Variants in NEBL observed in about 807,000 individuals in gnomAD.
The protein encoded by NEBL is LIM and SH3 protein 2.
A neutral mutation model predicts 140.2 loss-of-function variants in NEBL; 122 were observed. The observed-to-expected ratio is 0.87, with a 90% CI of 0.75 to 1.01. The LOEUF (loss-of-function observed/expected upper bound fraction) is 1.01. Ranked by LOEUF, NEBL falls within the 50% of genes least tolerant of loss-of-function variation. NEBL has a pLI of 0.00. For missense variants in NEBL, 1,365 were observed against 1,231.3 expected, an observed-to-expected ratio of 1.11 and a Z score of -1.62; for synonymous variants, 436 against 398.9, an observed-to-expected ratio of 1.09 and a Z score of -1.11.
chr10:20,939,560 A>G (rs556379741), intron 4 of NEBL, among the ~76,000 whole-genome samples: 1 of 152,362 alleles, frequency 6.6e-6, no homozygotes, highest in East Asian at 1.9e-4. Context: ...CATCATAATG[A>G]CAGGATCAAA....
chr10:20,814,639 C>CACACACACACA (rs905894451), intron 22 of NEBL, among the ~76,000 whole-genome samples: 9 of 151,716 alleles, frequency 5.9e-5, no homozygotes, highest in African/African-American at 2.2e-4. Context: ...CACACACACA[C>CACACACACACA]AACTGGTTAT....
chr10:20,792,803 C>CA (rs879926102), intron 26 of NEBL, among the ~76,000 whole-genome samples: 1,674 of 104,638 alleles, frequency 0.016, 18 homozygotes, highest in East Asian at 0.09. Context: ...AATTCTGTCT[C>CA]AAAAAAAAAA....
At chr10:21,136,868 T>C (rs568940062) in intron 2 of NEBL, among the ~76,000 whole-genome samples, 1 of 152,344 alleles carries the variant, frequency 6.6e-6, no homozygotes, top group South Asian at 2.1e-4. Flanking sequence ...TACTCGTCTC[T>C]GGATGGAGGA....
chr10:21,201,186 G>C (rs982088634), intron 3 of NEBL, among the ~76,000 whole-genome samples: 1 of 152,170 alleles, frequency 6.6e-6, no homozygotes, highest in Admixed American at 6.5e-5. Context: ...AGACAGAAAT[G>C]GTTATTACTT....
At chr10:20,901,642 T>G (rs529565998), upstream of NEBL, among the ~76,000 whole-genome samples, 1 of 152,242 alleles carries the variant, frequency 6.6e-6, no homozygotes, top group African/African-American at 2.4e-5. Context: ...TCAACATTTC[T>G]TATTATAAAA....
chr10:20,900,608 G>C (rs564980666), upstream of NEBL, among the ~76,000 whole-genome samples: 18 of 149,938 alleles, frequency 1.2e-4, no homozygotes, highest in Non-Finnish European at 2.5e-4. Context: ...TGGATTGCTT[G>C]AGCTCAGGAG....
At chr10:21,083,082 T>C (rs1836460758) in intron 2 of NEBL, among the ~76,000 whole-genome samples, 1 of 152,162 alleles carries the variant, frequency 6.6e-6, no homozygotes. Flanking sequence ...CTTTCTTTGG[T>C]GACTGTTTCA....
intron 2 of NEBL, among the ~76,000 whole-genome samples, chr10:21,072,619 G>T (rs1415940835): frequency 6.6e-6 from 1 of 152,206 alleles, no homozygotes; most frequent in African/African-American, 2.4e-5. Flanking sequence ...ATGCCCAGGG[G>T]GATCCAGGCC....
At position 21,146,054 on chromosome 10, in the gene NEBL, G is replaced by A. The variant is rs551950076; in HGVS notation, c.164+26329C>T. ...AGGCAAAGAGGAGCATTTGTTAAGC[G>A]CCCGCTATGAGCCAGGCACCATGAA... On this transcript the variant is annotated intron_variant, in intron 2 of 6. Transcript: ENST00000417816. Among the ~76,000 whole-genome samples the A allele has an allele frequency of 2.6e-5, 4 of 152,184 alleles. No homozygotes were observed. In the East Asian group the frequency reaches 5.8e-4, roughly 22 times the overall value.
At chr10:20,819,365 T>C (rs1839048305) in intron 20 of NEBL, 59 bp downstream of exon 20, 3 of 1,611,822 alleles carry the variant, frequency 1.9e-6, no homozygotes, top group Admixed American at 1.7e-5. Flanking sequence ...AAAGGGCATA[T>C]TTTTAAATAA....
In NEBL at chr10:21,076,209, G is replaced by A. The variant is rs111732038; in HGVS notation, c.165-56008C>T. Among the ~76,000 whole-genome samples, 872 of 152,162 alleles carry A rather than the reference G, an allele frequency of 5.7e-3. 4 individuals are homozygous for A. Among genetic ancestry groups the A allele is most frequent in the African/African-American group, 0.02 (845 of 41,504 alleles). On this transcript the variant is annotated intron_variant, in intron 2 of 6. Coordinates refer to the NEBL transcript ENST00000417816. ...TGTAATCCCAGCACTTTAGGAGGCCGAGGAGGGTGGATCACCTGAGATTAG... is the reference window on the plus strand; with the variant it reads ...TGTAATCCCAGCACTTTAGGAGGCCAAGGAGGGTGGATCACCTGAGATTAG...
intron 3 of NEBL, among the ~76,000 whole-genome samples, chr10:20,968,889 T>C (rs1470015958): frequency 6.6e-6 from 1 of 152,234 alleles, no homozygotes. Context: ...CTGCAAAATT[T>C]AGTGCTCAAT....
At chr10:20,973,897 C>T (rs1836684362) in intron 3 of NEBL, among the ~76,000 whole-genome samples, 1 of 152,200 alleles carries the variant, frequency 6.6e-6, no homozygotes, top group Non-Finnish European at 1.5e-5. Flanking sequence ...CAAAAAGAGT[C>T]CTGGTCTGAT....
chr10:21,270,568 A>T (rs1018004213), intron 1 of NEBL, among the ~76,000 whole-genome samples: 55 of 152,022 alleles, frequency 3.6e-4, no homozygotes, highest in Non-Finnish European at 7.6e-4. Flanking sequence ...GGGTTTCACC[A>T]TGTTGGCCAG....
In NEBL at chr10:20,923,926, A is replaced by G. The variant is rs1267770509; in HGVS notation, c.357+37746T>C. On this transcript the variant is annotated intron_variant, in intron 4 of 6. Coordinates refer to the NEBL transcript ENST00000417816. Reference sequence around the variant, plus strand: ...AACCCAGCCCACATTCCCAGCCTACATTTCCTATCTAGCCCTTTTCTAATT... The same window carrying G: ...AACCCAGCCCACATTCCCAGCCTACGTTTCCTATCTAGCCCTTTTCTAATT... Among the ~76,000 whole-genome samples, 4 of 152,100 alleles carry G rather than the reference A, an allele frequency of 2.6e-5. No homozygotes were observed. The South Asian group carries it at 8.3e-4, about 32-fold the overall frequency.
At chr10:21,054,544 C>T (rs1221085896) in intron 2 of NEBL, among the ~76,000 whole-genome samples, 2 of 152,096 alleles carry the variant, frequency 1.3e-5, no homozygotes, top group African/African-American at 2.4e-5. Context: ...CAAGCTTTTT[C>T]TGTTTTCTTT....
intron 12 of NEBL, among the ~76,000 whole-genome samples, chr10:20,842,134 A>C (rs1365831183): frequency 6.6e-6 from 1 of 152,034 alleles, no homozygotes; most frequent in African/African-American, 2.4e-5. Context: ...GGTTCATTTC[A>C]TGTTACTTTC....
At chr10:21,177,196 G>A (rs4634986), upstream of NEBL, among the ~76,000 whole-genome samples, 26,532 of 152,174 alleles carry the variant, frequency 0.17, 2,529 homozygotes, top group East Asian at 0.35. Flanking sequence ...CTTCAAATGC[G>A]CTTGCATAGT....
intron 4 of NEBL, among the ~76,000 whole-genome samples, chr10:20,922,963 T>G (rs1465504267): frequency 6.6e-6 from 1 of 152,248 alleles, no homozygotes; most frequent in African/African-American, 2.4e-5. Flanking sequence ...GAAGCACTTT[T>G]CCTTCCAGTA....
Sources: gnomAD v4.1 joint callset for allele counts (sites outside exome capture counted in the v4.1 genomes callset) on GRCh38, gnomAD v4.1.1 for gene constraint, MANE v1.5 for transcripts, NCBI Gene and HGNC (gene_info 2026-07-23, HGNC 2026-07-21) for gene names.